TTN: variants seen among roughly 807,000 people sequenced by gnomAD.
TTN encodes the protein connectin.
A neutral mutation model predicts 3,223.0 loss-of-function variants in TTN; 1,525 were observed. The observed-to-expected ratio is 0.47, with a 90% confidence interval of 0.45 to 0.49. The LOEUF (loss-of-function observed/expected upper bound fraction) is 0.49, where lower values mean the gene tolerates loss of function less well. TTN is among the 20% of genes least tolerant of loss of function. TTN has a pLI of 0.00. For missense variants in TTN, 40,786 were observed against 43,424.0 expected, an observed-to-expected ratio of 0.94 and a Z score of 5.40; for synonymous variants, 14,094 against 15,161.0, an observed-to-expected ratio of 0.93 and a Z score of 5.17.
rs778352415 is a variant in TTN, at chr2:178,547,777, A to G, written c.93849T>C (p.Ser31283=). 1.9e-6 allele frequency: 3 copies of G among 1,613,930 alleles called. No homozygotes were observed. The highest frequency in any genetic ancestry group is 2.5e-6 in the Non-Finnish European group (3 of 1,179,844). Residue 31283 remains serine (S), a synonymous_variant, in exon 339 of 363, where the codon TCT becomes TCC. Transcript: ENST00000589042. ...TTTCCAGGGTCAAGAAGTATCTTCC[A>G]GAGTCACCTCTCATGCTGTCCTTTA... ...LTVKDSMRGD[S]GRYFLTLENT... is the part of the protein sequence containing the mutation.
At position 178,757,611 on chromosome 2, in the gene TTN, A is replaced by G. The variant is rs1553969617; in HGVS notation, c.10609T>C (p.Tyr3537His). ...VDAYSEHAGQ[Y>H]SCKAANSAGE... The stretch of plus-strand genomic sequence containing the variant: ...GCACTATTGGCTGCTTTGCAAGAGT[A>G]CTGCCCAGCATGCTCTGAGTAAGCA... Residue 3537 changes from tyrosine (Y) to histidine (H), a missense_variant, in exon 45 of 363, where the codon TAC becomes CAC. Tyr to His is a moderately conservative substitution (Grantham distance 83). Transcript: ENST00000589042. The G allele has an allele frequency of 6.2e-7, 1 of 1,612,518 alleles. No individual in the cohort carries two copies. Among genetic ancestry groups the G allele is most frequent in the Non-Finnish European group, 8.5e-7 (1 of 1,178,846 alleles).
chr2:178,725,624 C>T lies in TTN; in HGVS notation c.20580G>A (p.Leu6860=). The part of the protein sequence containing the change: ...LKEPPRFVSK[L]NSLTVVAGEP... Reference sequence around the variant, plus strand: ...CTCCGGCTACAACAGTGAGGCTGTTCAGTTTGGAGACAAATCTTGGTGGTT... The same window carrying T: ...CTCCGGCTACAACAGTGAGGCTGTTTAGTTTGGAGACAAATCTTGGTGGTT... The change falls in exon 71 of 363, where the codon CTG becomes CTA. Residue 6860 remains leucine, a synonymous_variant. Transcript: ENST00000589042. 6.3e-7 allele frequency: 1 copy of T among 1,592,096 alleles called. No individual in the cohort carries two copies. The highest frequency in any genetic ancestry group is 8.6e-7 in the Non-Finnish European group (1 of 1,168,516).
In TTN at chr2:178,616,623, TG is replaced by T. The variant is rs1443466576; in HGVS notation, c.48167del (p.Pro16056GlnfsTer7). 1 of 1,612,070 alleles carries T rather than the reference TG, an allele frequency of 6.2e-7. No individual in the cohort carries two copies. Among genetic ancestry groups the T allele is most frequent in the Non-Finnish European group, 8.5e-7 (1 of 1,178,966 alleles). ...CAAATTTCAATTCTTTGGGTGCACT[TG>T]GGCGAGCTGAAAAAAAATGCACTCA... ...GEIDVNVIAR[P>X]SAPKELKFGD... On this transcript the variant is annotated frameshift_variant, in exon 257 of 363. Transcript: ENST00000589042. LOFTEE classifies it high-confidence loss of function.
chr2:178,712,476 C>T lies in TTN; in HGVS notation c.27446G>A (p.Gly9149Asp), dbSNP rs755633188. 2 of 1,613,636 alleles carry T rather than the reference C, an allele frequency of 1.2e-6. No individual in the cohort carries two copies. The highest frequency in any genetic ancestry group is 1.7e-5 in the Admixed American group (1 of 59,960). The change falls in exon 95 of 363, where the codon GGC (glycine) becomes GAC (aspartate). Residue 9149 changes from glycine (G) to aspartate (D), a missense_variant. Gly to Asp is a moderately conservative substitution (Grantham distance 94). Transcript: ENST00000589042. ...PPISVTWKKN[G>D]INVTPSQRCN... The stretch of plus-strand genomic sequence containing the variant: ...CCTCTGAGAAGGAGTTACATTTATG[C>T]CATTTTTCTTCCAGGTAACCGAAAT...
At position 178,642,284 on chromosome 2, in the gene TTN, A is replaced by C. The variant is rs776115575; in HGVS notation, c.40511T>G (p.Leu13504Arg). The C allele has an allele frequency of 8.8e-6, 14 of 1,595,804 alleles. 1 individual carries two copies. The South Asian group carries it at 1.4e-4, about 16-fold the overall frequency. ...PGGEKKVRKL[L>R]PERKPEPKEE... ...CTTTGGTTCAGGTTTACGTTCCGGA[A>C]GTAATTTGCGAACTTTCTTTTCACC... is the stretch of plus-strand genomic sequence containing the variant. Residue 13504 changes from leucine to arginine, a missense_variant, in exon 219 of 363, where the codon CTT (leucine) becomes CGT (arginine). Coordinates refer to ENST00000589042, the MANE Select transcript of TTN (RefSeq NM_001267550.2).
In TTN at chr2:178,712,202, G is replaced by C. The variant is rs759893948; in HGVS notation, c.27628C>G (p.Gln9210Glu). 4 of 1,613,198 alleles carry C rather than the reference G, an allele frequency of 2.5e-6. No individual in the cohort carries two copies. In the South Asian group the frequency reaches 3.3e-5, roughly 13 times the overall value. Residue 9210 changes from glutamine (Q) to glutamate (E), a missense_variant, in exon 96 of 363, where the codon CAG becomes GAG. Coordinates refer to ENST00000589042, the MANE Select transcript of TTN (RefSeq NM_001267550.2). ...ACAGACACCTTAACCGGCTCCAACT[G>C]CTTGACAAAATACGGTGGTTCTGCA... is the stretch of plus-strand genomic sequence containing the variant. Reference protein sequence around the residue: ...LILEPPYFVKQLEPVKVSVGD... With the variant: ...LILEPPYFVKELEPVKVSVGD...
At chr2:178,666,048 T>C (rs912208277) in intron 163 of TTN, among the ~76,000 whole-genome samples, 1 of 152,098 alleles carries the variant, frequency 6.6e-6, no homozygotes, top group African/African-American at 2.4e-5. Flanking sequence ...AGTGGAAACA[T>C]TGATTATAAT....
chr2:178,711,589 G>C (rs191012324), intron 96 of TTN, among the ~76,000 whole-genome samples: 64 of 152,234 alleles, frequency 4.2e-4, no homozygotes, highest in Admixed American at 1.3e-3. Flanking sequence ...TAAAGCAATT[G>C]GTTGGCTGAA....
rs767581453 is a variant in TTN, at chr2:178,599,380, A to G, written c.56413T>C (p.Ser18805Pro). The change falls in exon 290 of 363, where the codon TCT becomes CCT. Residue 18805 changes from serine to proline, a missense_variant. Coordinates refer to ENST00000589042, the MANE Select transcript of TTN (RefSeq NM_001267550.2). ...ESVSADQMTL[S>P]WFPPKDDGGS... The stretch of plus-strand genomic sequence containing the variant: ...CCATCATCTTTAGGTGGAAACCAAG[A>G]TAGTGTCATTTGATCTGCTGAAACA... 6.9e-6 allele frequency: 11 copies of G among 1,595,208 alleles called. No individual in the cohort carries two copies. The highest frequency in any genetic ancestry group is 1.7e-6 in the Non-Finnish European group (2 of 1,173,160).
chr2:178,610,015 C>G, intron 271 of TTN, 29 bp from the exon 272 acceptor site: 1 of 1,610,036 alleles, frequency 6.2e-7, no homozygotes, highest in Non-Finnish European at 8.5e-7. Flanking sequence ...ATGTTAGTAT[C>G]AGGAAAACCA....
chr2:178,758,793 G>T, intron 44 of TTN, 191 bp downstream of exon 44: 1 of 639,156 alleles, frequency 1.6e-6, no homozygotes, highest in Non-Finnish European at 2.8e-6. Context: ...GAAACGTGAT[G>T]GTCTATGATT....
intron 328 of TTN, 24 bp from the exon 329 acceptor site, chr2:178,557,579 G>T (rs780980625): frequency 1.1e-5 from 17 of 1,613,690 alleles, no homozygotes; most frequent in Non-Finnish European, 1.4e-5. Flanking sequence ...AAATCCTATA[G>T]ATTAGTACAG....
intron 217 of TTN, chr2:178,645,618 T>C (rs2061818256): frequency 4.8e-6 from 1 of 206,978 alleles, no homozygotes; most frequent in South Asian, 1.6e-4. Flanking sequence ...AATCAGGCTT[T>C]GAAATCAGAA....
rs574321148 is a variant in TTN at position 178,801,510 on chromosome 2, A to G, written c.295+628T>C. ...TAAAGTTTATTGGATAAGCATATGT[A>G]ACTTTACGTAGCTCATGTAAGATAT... On this transcript the variant is annotated intron_variant, in intron 3 of 362. Transcript: ENST00000589042. Among the ~76,000 whole-genome samples the G allele has an allele frequency of 2.6e-5, 4 of 152,356 alleles. No homozygotes were observed. The East Asian group carries it at 7.7e-4, about 29-fold the overall frequency.
chr2:178,628,238 G>C (rs2059329265), intron 240 of TTN, among the ~76,000 whole-genome samples: 2 of 152,036 alleles, frequency 1.3e-5, no homozygotes, highest in African/African-American at 4.8e-5. Flanking sequence ...GCAGTTACTT[G>C]AAGGCATTGC....
chr2:178,593,115 T>A lies in TTN; in HGVS notation c.59036-32A>T, dbSNP rs2050593158. On this transcript the variant is annotated intron_variant, in intron 299 of 362. Transcript: ENST00000589042. ...AATAAAAGTAAAAAACGAATTAGCA[T>A]ATAGCTGAAAACAAAGTTAGATAAC... 3 of 1,610,792 alleles carry A rather than the reference T, an allele frequency of 1.9e-6. No individual in the cohort carries two copies. The South Asian group carries it at 3.3e-5, about 18-fold the overall frequency.
chr2:178,771,287 G>A lies in TTN; in HGVS notation c.8040C>T (p.Ala2680=). 2 of 1,614,094 alleles carry A rather than the reference G, an allele frequency of 1.2e-6. No individual in the cohort carries two copies. The change falls in exon 34 of 363, where the codon GCC becomes GCT. Residue 2680 remains alanine (A), a synonymous_variant. Transcript: ENST00000589042. ...ATTCTCCAATGTCATCTAATTTGGT[G>A]GCAGCAATGATAAGTCTCCTTTTGT... is the stretch of plus-strand genomic sequence containing the variant. ...DGHKRRLIIA[A]TKLDDIGEYT... is the part of the protein sequence containing the mutation.
At position 178,536,406 on chromosome 2, in the gene TTN, A is replaced by G. The variant is rs748856305; in HGVS notation, c.100341T>C (p.Ile33447=). The G allele has an allele frequency of 2.5e-6, 4 of 1,613,560 alleles. No homozygotes were observed. The African/African-American group carries it at 4.0e-5, about 16-fold the overall frequency. ...TTTTCACTGAAAAGACAGTTTCTCG[A>G]ATTTCTTCTGTTGTCACAGAAATCC... The part of the protein sequence containing the change: ...NKWISVTTEE[I]RETVFSVKNL... Residue 33447 remains isoleucine (I), a synonymous_variant, in exon 357 of 363, where the codon ATT becomes ATC. Coordinates refer to ENST00000589042, the MANE Select transcript of TTN (RefSeq NM_001267550.2).
Position 178,631,252 on chromosome 2 carries a change from T to G in TTN, c.43796A>C (p.Glu14599Ala). 6.2e-7 allele frequency: 1 copy of G among 1,612,162 alleles called. No individual in the cohort carries two copies. The change falls in exon 237 of 363, where the codon GAG (glutamate) becomes GCG (alanine). Residue 14599 changes from glutamate (E) to alanine (A), a missense_variant. Physicochemically the swap from Glu to Ala is moderately radical, Grantham distance 107. Coordinates refer to ENST00000589042, the MANE Select transcript of TTN (RefSeq NM_001267550.2). ...TGKLQDYTGVEKDEVILQCEI... is the reference protein window; with the variant it reads ...TGKLQDYTGVAKDEVILQCEI... Reference sequence around the variant, plus strand: ...ACACTGTAGAATAACTTCATCTTTCTCTACACCAGTATAATCTTGAAGTTT... The same window carrying G: ...ACACTGTAGAATAACTTCATCTTTCGCTACACCAGTATAATCTTGAAGTTT...
Sources: allele counts gnomAD v4.1 joint callset (sites outside exome capture counted in the v4.1 genomes callset), GRCh38; gene constraint gnomAD v4.1.1; transcripts MANE v1.5; gene names NCBI Gene and HGNC (gene_info 2026-07-23, HGNC 2026-07-21).